Variants in RIMS2 observed in about 807,000 individuals in gnomAD.
The protein encoded by RIMS2 is regulating synaptic membrane exocytosis protein 2.
RIMS2 carries 59 observed loss-of-function variants against 174.4 expected under a neutral mutation model. That is an observed-to-expected ratio of 0.34 (90% CI 0.27 to 0.42). The LOEUF (loss-of-function observed/expected upper bound fraction) is 0.42, where lower values mean the gene tolerates loss of function less well. Ranked by LOEUF, RIMS2 falls within the 10% of genes least tolerant of loss-of-function variation. The pLI is 1.00. For synonymous variants in RIMS2, 606 were observed against 572.5 expected, an observed-to-expected ratio of 1.06 and a Z score of -0.84; for missense variants, 1,620 against 1,666.3, an observed-to-expected ratio of 0.97 and a Z score of 0.48.
intron 19 of RIMS2, among the ~76,000 whole-genome samples, chr8:104,194,692 C>A (rs1249027847): frequency 1.3e-5 from 2 of 152,032 alleles, no homozygotes; most frequent in Non-Finnish European, 2.9e-5. Context: ...TATTATATAA[C>A]ATAGTGTTTA....
intron 3 of RIMS2, among the ~76,000 whole-genome samples, chr8:103,777,521 A>G (rs2098331603): frequency 6.6e-6 from 1 of 152,008 alleles, no homozygotes; most frequent in South Asian, 2.1e-4. Flanking sequence ...TGTATCATAT[A>G]TCCTGCTTGG....
chr8:103,545,801 AGATC>A (rs3044557), intron 1 of RIMS2, among the ~76,000 whole-genome samples: 62,701 of 151,678 alleles, frequency 0.41, 13,190 homozygotes, highest in Non-Finnish European at 0.45. Context: ...AGGAGAAATA[AGATC>A]GATCCTTTTT....
intron 1 of RIMS2, among the ~76,000 whole-genome samples, chr8:103,533,879 C>G (rs1319073644): frequency 1.3e-5 from 2 of 152,110 alleles, no homozygotes. Flanking sequence ...CAACAGTGAA[C>G]TTCGTTCCTT....
At chr8:104,065,553 T>A (rs72683189) in intron 19 of RIMS2, among the ~76,000 whole-genome samples, 19,640 of 152,120 alleles carry the variant, frequency 0.13, 1,741 homozygotes, top group Non-Finnish European at 0.19. Flanking sequence ...ACATGGAGTG[T>A]TTTCTTTTTA....
At chr8:104,251,217 GACATTATACCCCAA>G (rs1488984887) in intron 23 of RIMS2, 54 bp downstream of exon 29, 1 of 1,375,418 alleles carries the variant, frequency 7.3e-7, no homozygotes, top group African/African-American at 1.4e-5. Flanking sequence ...CATGGGGTCA[GACATTATACCCCAA>G]ATCTTTTCTG....
At chr8:103,549,675 C>A (rs1043523044) in intron 1 of RIMS2, among the ~76,000 whole-genome samples, 6 of 152,096 alleles carry the variant, frequency 3.9e-5, no homozygotes, top group African/African-American at 9.7e-5. Context: ...CACAGACTGG[C>A]AAATTGGATG....
intron 17 of RIMS2, among the ~76,000 whole-genome samples, chr8:104,011,503 C>G (rs112738306): frequency 6.6e-6 from 1 of 151,998 alleles, no homozygotes; most frequent in Non-Finnish European, 1.5e-5. Flanking sequence ...AAATAATGGT[C>G]TCCTTTTGAG....
intron 10 of RIMS2, among the ~76,000 whole-genome samples, chr8:103,927,084 C>A (rs1439286984): frequency 6.6e-6 from 1 of 151,210 alleles, no homozygotes; most frequent in African/African-American, 2.4e-5. Context: ...AATAAACTTA[C>A]AATAAACTGT....
chr8:103,990,873 A>G (rs943969205), intron 17 of RIMS2, among the ~76,000 whole-genome samples: 1 of 151,970 alleles, frequency 6.6e-6, no homozygotes, highest in African/African-American at 2.4e-5. Context: ...TGCTGTCTAA[A>G]TCTTGAAGAA....
intron 19 of RIMS2, among the ~76,000 whole-genome samples, chr8:104,212,553 G>A (rs1334753122): frequency 3.9e-5 from 6 of 152,174 alleles, no homozygotes. Flanking sequence ...ACCTTCTAAA[G>A]AGCAGTTTAA....
intron 1 of RIMS2, among the ~76,000 whole-genome samples, chr8:103,610,496 G>C (rs185532976): frequency 5.3e-5 from 8 of 152,100 alleles, no homozygotes; most frequent in African/African-American, 1.9e-4. Flanking sequence ...TTATTTTGAC[G>C]TATGTTCCTT....
chr8:103,843,915 G>A (rs187850793), intron 3 of RIMS2, among the ~76,000 whole-genome samples: 39 of 152,170 alleles, frequency 2.6e-4, no homozygotes, highest in Admixed American at 2.3e-3. Flanking sequence ...GAATTCCCAC[G>A]TGTTGTGGGA....
At chr8:103,711,183 C>G (rs2097299041) in intron 2 of RIMS2, among the ~76,000 whole-genome samples, 1 of 152,190 alleles carries the variant, frequency 6.6e-6, no homozygotes, top group African/African-American at 2.4e-5. Flanking sequence ...TCAGCCTTAC[C>G]TATTCTGAAT....
At chr8:104,183,972 C>T (rs564304486) in intron 19 of RIMS2, among the ~76,000 whole-genome samples, 14 of 151,542 alleles carry the variant, frequency 9.2e-5, no homozygotes, top group South Asian at 4.2e-4. Context: ...TGGAGGTTTT[C>T]GAGGAAAAAA....
At chr8:104,085,487 GTTGTT>G (rs551680631) in intron 19 of RIMS2, among the ~76,000 whole-genome samples, 2 of 152,120 alleles carry the variant, frequency 1.3e-5, no homozygotes, top group Non-Finnish European at 2.9e-5. Context: ...AGAAAATGAA[GTTGTT>G]TTGTTTTGTT....
chr8:103,847,281 G>T (rs575156008), intron 3 of RIMS2, among the ~76,000 whole-genome samples: 7 of 151,952 alleles, frequency 4.6e-5, no homozygotes, highest in Admixed American at 1.3e-4. Context: ...ACGTATCGGG[G>T]GCATAGCAGC....
intron 14 of RIMS2, among the ~76,000 whole-genome samples, chr8:103,954,656 A>G (rs1160217406): frequency 1.3e-5 from 2 of 152,228 alleles, no homozygotes; most frequent in African/African-American, 4.8e-5. Context: ...AGCAGGAAAG[A>G]TCTAAAATTT....
chr8:103,639,140 A>G (rs565397257), intron 1 of RIMS2, among the ~76,000 whole-genome samples: 24 of 151,980 alleles, frequency 1.6e-4, no homozygotes, highest in African/African-American at 5.1e-4. Context: ...ATGCTTATGT[A>G]TTGTTATTTT....
At chr8:103,963,747 G>C (rs2090958661) in intron 15 of RIMS2, among the ~76,000 whole-genome samples, 1 of 151,930 alleles carries the variant, frequency 6.6e-6, no homozygotes, top group Non-Finnish European at 1.5e-5. Flanking sequence ...GCTCACTCTT[G>C]GTGTCAAATA....
Sources: allele counts gnomAD v4.1 joint callset (sites outside exome capture counted in the v4.1 genomes callset), GRCh38; gene constraint gnomAD v4.1.1; transcripts MANE v1.5; gene names NCBI Gene and HGNC (gene_info 2026-07-23, HGNC 2026-07-21).